PHLPP1: variants seen among roughly 807,000 people sequenced by gnomAD.
PHLPP1 encodes the protein PH domain leucine-rich repeat-containing protein phosphatase 1.
In PHLPP1, 42 loss-of-function variants were observed where a neutral mutation model predicts 117.2. The ratio of observed to expected loss-of-function variants is 0.36; its 90% CI spans 0.28 to 0.46. The LOEUF is 0.46. Among genes scored for constraint, PHLPP1 ranks in the 20% least tolerant of loss-of-function variants. The pLI is 1.00. For missense variants in PHLPP1, 2,084 were observed against 2,241.9 expected (o/e 0.93, Z 1.42); for synonymous variants, 1,042 against 970.7 (o/e 1.07, Z -1.37).
At position 62,816,897 on chromosome 18, in the gene PHLPP1, T is replaced by C. The variant is rs558527488; in HGVS notation, c.1577-13138T>C. Among the ~76,000 whole-genome samples the C allele has an allele frequency of 3.6e-4, 55 of 152,342 alleles. 1 individual carries two copies. The South Asian group carries it at 0.011, about 30-fold the overall frequency. On this transcript the variant is annotated intron_variant, in intron 1 of 16. Transcript: ENST00000262719. ...AGGCCTCTTTGAAAATTTATCATTT[T>C]TATTTAGCCAAATCTATGAGGTTGT...
chr18:62,787,777 A>G (rs1038224390), intron 1 of PHLPP1, among the ~76,000 whole-genome samples: 70 of 152,098 alleles, frequency 4.6e-4, no homozygotes, highest in African/African-American at 1.7e-3. Context: ...TACAATTAGC[A>G]TTACCGTGCA....
chr18:62,892,903 T>C (rs999753916), intron 4 of PHLPP1, among the ~76,000 whole-genome samples: 1 of 150,454 alleles, frequency 6.6e-6, no homozygotes, highest in African/African-American at 2.4e-5. Context: ...AGTTTGACCA[T>C]GTGGATCTTC....
chr18:62,763,201 G>C (rs1204421839), intron 1 of PHLPP1, among the ~76,000 whole-genome samples: 5 of 152,172 alleles, frequency 3.3e-5, no homozygotes, highest in African/African-American at 4.8e-5. Context: ...TAGCCAACCT[G>C]TGCAGCTAAA....
intron 1 of PHLPP1, among the ~76,000 whole-genome samples, chr18:62,728,029 G>A (rs1242762649): frequency 6.6e-6 from 1 of 152,160 alleles, no homozygotes; most frequent in Non-Finnish European, 1.5e-5. Flanking sequence ...GCTCACGCGT[G>A]TAATCCTAGC....
At chr18:62,881,816 T>A (rs17745313) in intron 4 of PHLPP1, among the ~76,000 whole-genome samples, 6,988 of 152,264 alleles carry the variant, frequency 0.046, 257 homozygotes, top group Non-Finnish European at 0.069. Context: ...ACCAAGAAAC[T>A]GAGAAGATGT....
intron 10 of PHLPP1, among the ~76,000 whole-genome samples, chr18:62,939,284 C>T (rs866088300): frequency 1.3e-5 from 2 of 152,092 alleles, no homozygotes; most frequent in Non-Finnish European, 1.5e-5. Context: ...TGAGCCACTG[C>T]GCCCAGCTGA....
At chr18:62,936,445 TAATG>T (rs946593604) in intron 10 of PHLPP1, among the ~76,000 whole-genome samples, 1 of 152,134 alleles carries the variant, frequency 6.6e-6, no homozygotes, top group Non-Finnish European at 1.5e-5. Context: ...AATGCTAAAT[TAATG>T]GGCAAAAGTA....
chr18:62,806,654 C>A (rs531555042), intron 1 of PHLPP1, among the ~76,000 whole-genome samples: 277 of 152,236 alleles, frequency 1.8e-3, no homozygotes, highest in African/African-American at 6.5e-3. Flanking sequence ...TGTGTACACT[C>A]CTTTCTGTAA....
rs547469647 is a variant in PHLPP1, at chr18:62,815,314, C to T, written c.1577-14721C>T. On this transcript the variant is annotated intron_variant, in intron 1 of 16. Transcript: ENST00000262719. ...CTGGGACTACAGGCGCCCGCCACCACGCCCGGCTAATTTTTTGTATTTTTA... is the reference window on the plus strand; with the variant it reads ...CTGGGACTACAGGCGCCCGCCACCATGCCCGGCTAATTTTTTGTATTTTTA... Among the ~76,000 whole-genome samples, 22 of 152,114 alleles carry T rather than the reference C, an allele frequency of 1.4e-4. No homozygotes were observed. The South Asian group carries it at 3.5e-3, about 24-fold the overall frequency.
chr18:62,843,764 A>G (rs1447598599), intron 3 of PHLPP1, among the ~76,000 whole-genome samples: 1 of 152,220 alleles, frequency 6.6e-6, no homozygotes, highest in Non-Finnish European at 1.5e-5. Context: ...TGCATCCAGC[A>G]TGTTTTCAAA....
At position 62,716,085 on chromosome 18, in the gene PHLPP1, C is replaced by G. The variant is rs1176494633; in HGVS notation, c.402C>G (p.Ala134=). 2.0e-6 allele frequency: 3 copies of G among 1,492,252 alleles called. No individual in the cohort carries two copies. Among genetic ancestry groups the G allele is most frequent in the Non-Finnish European group, 2.7e-6 (3 of 1,129,972 alleles). 92.4% of individuals were successfully genotyped at this position (1,492,252 alleles called of 1,614,324 possible). ...TGAAGAGGAATCTGTCCGCGGCCGC[C>G]GCGGCCGCCTCCTCGTCGTCGTCGT... ...GRLKRNLSAA[A]AAASSSSSSS... Residue 134 remains alanine, a synonymous_variant, in exon 1 of 17, where the codon GCC becomes GCG. Coordinates refer to ENST00000262719, the MANE Select transcript of PHLPP1 (RefSeq NM_194449.4). This position sits in a 1 kb window ranked among gnomAD's most constrained non-coding sequence, Gnocchi z 5.7.
intron 1 of PHLPP1, among the ~76,000 whole-genome samples, chr18:62,824,824 C>T (rs56177021): frequency 1.3e-5 from 2 of 152,042 alleles, no homozygotes; most frequent in African/African-American, 4.8e-5. Flanking sequence ...ACAACCCCAA[C>T]AAAGGCACAC....
chr18:62,822,031 T>C (rs976992333), intron 1 of PHLPP1, among the ~76,000 whole-genome samples: 5 of 152,264 alleles, frequency 3.3e-5, no homozygotes, highest in African/African-American at 1.2e-4. Flanking sequence ...AGGAGTTTGA[T>C]GTTACACAGA....
chr18:62,773,366 T>C (rs1912853581), intron 1 of PHLPP1, among the ~76,000 whole-genome samples: 1 of 152,174 alleles, frequency 6.6e-6, no homozygotes, highest in Non-Finnish European at 1.5e-5. Context: ...TGTTTGAACT[T>C]TGTACTTCAT....
chr18:62,747,503 C>T (rs574059657), intron 1 of PHLPP1, among the ~76,000 whole-genome samples: 1 of 151,736 alleles, frequency 6.6e-6, no homozygotes, highest in Admixed American at 6.6e-5. Flanking sequence ...CCTCTCCCAC[C>T]TTCCCTCCTC....
chr18:62,977,034 G>A (rs1363035416), intron 16 of PHLPP1, among the ~76,000 whole-genome samples: 2 of 152,332 alleles, frequency 1.3e-5, no homozygotes, highest in East Asian at 1.9e-4. Flanking sequence ...GGACAGAACA[G>A]CAAGAACAGT....
intron 10 of PHLPP1, among the ~76,000 whole-genome samples, chr18:62,938,931 T>G (rs1409331803): frequency 1.3e-5 from 2 of 152,108 alleles, no homozygotes; most frequent in Non-Finnish European, 2.9e-5. Context: ...TGTGTTTGTG[T>G]GTGTATAACT....
intron 11 of PHLPP1, among the ~76,000 whole-genome samples, chr18:62,944,580 G>T (rs1337066815): frequency 6.6e-6 from 1 of 152,140 alleles, no homozygotes; most frequent in Non-Finnish European, 1.5e-5. Flanking sequence ...CACACCCCTT[G>T]CTCCTTACCA....
chr18:62,950,196 A>G (rs139995282), intron 12 of PHLPP1, among the ~76,000 whole-genome samples: 114 of 152,280 alleles, frequency 7.5e-4, no homozygotes, highest in African/African-American at 2.6e-3. Context: ...AGATGTTTTA[A>G]TTATCTTTAG....
Sources: allele counts gnomAD v4.1 joint callset (sites outside exome capture counted in the v4.1 genomes callset), GRCh38; gene constraint gnomAD v4.1.1; non-coding constraint Gnocchi (gnomAD v3.1); transcripts MANE v1.5; gene names NCBI Gene and HGNC (gene_info 2026-07-23, HGNC 2026-07-21).